Variants in PCDH15 observed in about 807,000 individuals in gnomAD.
PCDH15 encodes protocadherin-15.
In PCDH15, 129 loss-of-function variants were observed where a neutral mutation model predicts 178.5. The observed-to-expected ratio is 0.72, with a 90% CI of 0.63 to 0.84. The LOEUF (loss-of-function observed/expected upper bound fraction) is 0.84. Among genes scored for constraint, PCDH15 ranks in the 40% least tolerant of loss-of-function variants. The pLI, the probability that PCDH15 is intolerant of heterozygous loss-of-function variation, is 0.00. For synonymous variants in PCDH15, 800 were observed against 732.0 expected (o/e 1.09, Z -1.50); for missense variants, 2,230 against 2,099.9 (o/e 1.06, Z -1.21).
intron 2 of PCDH15, among the ~76,000 whole-genome samples, chr10:55,439,180 C>G (rs1175673998): frequency 6.6e-6 from 1 of 151,986 alleles, no homozygotes; most frequent in Non-Finnish European, 1.5e-5. Flanking sequence ...TTTTTCCAGT[C>G]AAAGTATAAG....
chr10:54,952,358 GA>G (rs1838366576), intron 2 of PCDH15, among the ~76,000 whole-genome samples: 1 of 151,744 alleles, frequency 6.6e-6, no homozygotes, highest in Admixed American at 6.6e-5. Flanking sequence ...CTGTTTCATT[GA>G]TCTGCCTGTG....
At chr10:55,212,766 C>T (rs752548498) in intron 1 of PCDH15, among the ~76,000 whole-genome samples, 4 of 152,072 alleles carry the variant, frequency 2.6e-5, no homozygotes, top group Non-Finnish European at 5.9e-5. Context: ...TTAAGAAATA[C>T]TGCAGTTCTT....
At chr10:54,996,414 C>T (rs1839645281) in intron 2 of PCDH15, among the ~76,000 whole-genome samples, 1 of 152,146 alleles carries the variant, frequency 6.6e-6, no homozygotes, top group South Asian at 2.1e-4. Context: ...GGAAAACACC[C>T]TGGCTGTTTC....
intron 1 of PCDH15, among the ~76,000 whole-genome samples, chr10:54,709,735 A>G (rs991704129): frequency 4.0e-5 from 6 of 148,178 alleles, no homozygotes; most frequent in African/African-American, 1.5e-4. Flanking sequence ...TAAAATATAT[A>G]TATTCATAAA....
chr10:53,967,196 G>A (rs2089126982), intron 21 of PCDH15, among the ~76,000 whole-genome samples: 1 of 152,066 alleles, frequency 6.6e-6, no homozygotes, highest in African/African-American at 2.4e-5. Context: ...TTTTATAAAG[G>A]GCTTTTCCCC....
At chr10:55,348,815 CCAG>C (rs1325720626) in intron 2 of PCDH15, among the ~76,000 whole-genome samples, 1 of 151,994 alleles carries the variant, frequency 6.6e-6, no homozygotes, top group Non-Finnish European at 1.5e-5. Flanking sequence ...GTATCAAGGG[CCAG>C]ATTACCTCCA....
chr10:53,812,524 G>A (rs548055672), intron 35 of PCDH15, among the ~76,000 whole-genome samples: 6 of 151,822 alleles, frequency 4.0e-5, no homozygotes, highest in South Asian at 4.2e-4. Context: ...CTAAATTTAA[G>A]GTTTTTAAAG....
chr10:54,575,828 A>G (rs2090415846), intron 2 of PCDH15, among the ~76,000 whole-genome samples: 2 of 152,196 alleles, frequency 1.3e-5, no homozygotes, highest in Non-Finnish European at 2.9e-5. Flanking sequence ...TACTAATTTT[A>G]ACAGAAGGCT....
At chr10:55,341,793 ATATATATATATATTTTTTTTTTTT>A (rs1259687157) in intron 2 of PCDH15, among the ~76,000 whole-genome samples, 6 of 12,888 alleles carry the variant, frequency 4.7e-4, no homozygotes, top group South Asian at 2.4e-3. Context: ...ATATATATAT[ATATATATATATATTTTTTTTTTTT>A]TTTTTTTTTT....
chr10:54,516,052 C>A (rs578019904), intron 3 of PCDH15, among the ~76,000 whole-genome samples: 1 of 152,292 alleles, frequency 6.6e-6, no homozygotes, highest in African/African-American at 2.4e-5. Context: ...GGGGAAAAAA[C>A]AGAGCAGAAA....
intron 1 of PCDH15, among the ~76,000 whole-genome samples, chr10:55,318,044 C>T (rs776181932): frequency 6.6e-6 from 1 of 152,150 alleles, no homozygotes; most frequent in Non-Finnish European, 1.5e-5. Context: ...CCTGTAGTTA[C>T]AGGAGTTCCA....
At chr10:54,655,276 GAGAGAGAGAGAGAGAGAGAGAGAGAGAC>G (rs1565865738) in intron 2 of PCDH15, among the ~76,000 whole-genome samples, 5 of 124,272 alleles carry the variant, frequency 4.0e-5, no homozygotes, top group Non-Finnish European at 7.0e-5. Context: ...GAGAGAGAGA[GAGAGAGAGAGAGAGAGAGAGAGAGAGAC>G]AGAGAGAGAG....
chr10:54,168,993 CGT>C lies in PCDH15; in HGVS notation c.1590+14449_1590+14450del, dbSNP rs753255571. On this transcript the variant is annotated intron_variant, in intron 13 of 37. Coordinates refer to ENST00000644397, the MANE Select transcript of PCDH15 (RefSeq NM_001384140.1). ...AAATGCCTGAACCGCAGCGGCCAGGCGTTCCTCCAGAACCTCCTCCCACAGGA... is the reference window on the plus strand; with the variant it reads ...AAATGCCTGAACCGCAGCGGCCAGGCTCCTCCAGAACCTCCTCCCACAGGA... Among the ~76,000 whole-genome samples the C allele has an allele frequency of 1.6e-3, 247 of 152,232 alleles. 1 individual carries two copies. Among genetic ancestry groups the C allele is most frequent in the Middle Eastern group, 0.01 (3 of 294 alleles).
intron 2 of PCDH15, among the ~76,000 whole-genome samples, chr10:55,156,694 T>C (rs1462621113): frequency 6.6e-6 from 1 of 152,138 alleles, no homozygotes; most frequent in East Asian, 1.9e-4. Context: ...TAGAGATCAC[T>C]GTGATTATGG....
chr10:55,183,201 T>C (rs1251830614), intron 1 of PCDH15, among the ~76,000 whole-genome samples: 1 of 151,988 alleles, frequency 6.6e-6, no homozygotes, highest in Non-Finnish European at 1.5e-5. Flanking sequence ...GTTTCATATA[T>C]TTTGCATTAT....
At chr10:53,982,623 G>C (rs2090750069) in intron 21 of PCDH15, among the ~76,000 whole-genome samples, 2 of 142,830 alleles carry the variant, frequency 1.4e-5, no homozygotes, top group South Asian at 2.3e-4. Context: ...TGAACAATGA[G>C]AACACATGGA....
intron 1 of PCDH15, among the ~76,000 whole-genome samples, chr10:55,168,055 G>T (rs556227267): frequency 2.9e-4 from 44 of 152,120 alleles, no homozygotes; most frequent in Admixed American, 2.6e-3. Context: ...CTATCTTAAA[G>T]GAGAAAATAA....
intron 3 of PCDH15, among the ~76,000 whole-genome samples, chr10:54,522,763 G>A (rs2083006661): frequency 6.6e-6 from 1 of 152,152 alleles, no homozygotes; most frequent in African/African-American, 2.4e-5. Context: ...TGAAATGACT[G>A]ATTGAACAAC....
intron 1 of PCDH15, among the ~76,000 whole-genome samples, chr10:55,175,760 A>T (rs1839468543): frequency 6.6e-6 from 1 of 152,172 alleles, no homozygotes; most frequent in African/African-American, 2.4e-5. Context: ...GTCTTTTATA[A>T]TAGGGCTCAG....
Sources: gnomAD v4.1 joint callset for allele counts (sites outside exome capture counted in the v4.1 genomes callset) on GRCh38, gnomAD v4.1.1 for gene constraint, MANE v1.5 for transcripts, NCBI Gene and HGNC (gene_info 2026-07-23, HGNC 2026-07-21) for gene names.